Variants in NSMAF observed in about 807,000 individuals in gnomAD.
The protein encoded by NSMAF is protein FAN.
NSMAF carries 90 observed loss-of-function variants against 134.9 expected under a neutral mutation model. The ratio of observed to expected loss-of-function variants is 0.67; its 90% CI spans 0.56 to 0.79. The LOEUF (loss-of-function observed/expected upper bound fraction) is 0.79. Among genes scored for constraint, NSMAF ranks in the 30% least tolerant of loss-of-function variants. The probability of loss-of-function intolerance (pLI) is 0.00; values close to 1 mark genes in which losing one functional copy is unlikely to be tolerated. For synonymous variants in NSMAF, 358 were observed against 389.6 expected (o/e 0.92, Z 0.96); for missense variants, 1,010 against 1,119.0 (o/e 0.90, Z 1.39).
intron 9 of NSMAF, among the ~76,000 whole-genome samples, chr8:58,614,325 C>T (rs556957778): frequency 6.6e-6 from 1 of 152,096 alleles, no homozygotes; most frequent in Non-Finnish European, 1.5e-5. Flanking sequence ...AACAAATTTT[C>T]CTTTGTTTTA....
At chr8:58,599,593 G>T in intron 18 of NSMAF, 157 bp downstream of exon 18, 1 of 901,396 alleles carries the variant, frequency 1.1e-6, no homozygotes, top group Non-Finnish European at 1.7e-6. Context: ...TTACATCACA[G>T]ACTCATAGAA....
At chr8:58,618,089 C>A (rs1806703880) in intron 9 of NSMAF, among the ~76,000 whole-genome samples, 1 of 152,144 alleles carries the variant, frequency 6.6e-6, no homozygotes, top group South Asian at 2.1e-4. Flanking sequence ...CATGTCCTCA[C>A]TCATAGGTGG....
chr8:58,605,775 G>A (rs757152417), intron 12 of NSMAF, 152 bp downstream of exon 12: 2 of 793,194 alleles, frequency 2.5e-6, no homozygotes, highest in Non-Finnish European at 3.4e-6. Flanking sequence ...AGCTACTCGG[G>A]AGGCTGAGGC....
At chr8:58,639,101 G>A (rs1162648259) in intron 2 of NSMAF, among the ~76,000 whole-genome samples, 4 of 151,980 alleles carry the variant, frequency 2.6e-5, no homozygotes, top group African/African-American at 4.8e-5. Flanking sequence ...TGGCTAACAC[G>A]GTGAAACCCC....
chr8:58,658,380 T>G (rs1807769831), intron 1 of NSMAF, among the ~76,000 whole-genome samples: 1 of 152,208 alleles, frequency 6.6e-6, no homozygotes, highest in African/African-American at 2.4e-5. Context: ...TGAGATACGT[T>G]TTCTGTGTAT....
intron 27 of NSMAF, among the ~76,000 whole-genome samples, chr8:58,586,918 T>C (rs1193728827): frequency 1.3e-5 from 2 of 152,206 alleles, no homozygotes; most frequent in Admixed American, 6.5e-5. Context: ...TAATAAATTA[T>C]AGTGAGCCGC....
rs931267066 is a variant in NSMAF, at chr8:58,631,531, C to A, written c.349G>T (p.Glu117Ter). The change falls in exon 6 of 31, where the codon GAA (glutamate) becomes TAA (stop). Residue 117 changes from glutamate to a stop codon, truncating the protein, a stop_gained. Transcript: ENST00000038176. LOFTEE classifies it high-confidence loss of function. ...TTATATGGTGCAACAACATTATGTT[C>A]TTTAATGAAATATACCTGAGCAAGA... is the stretch of plus-strand genomic sequence containing the variant. ...LIFSQVYFIK[E>*]HNVVAPYKIE... 1.3e-6 allele frequency: 2 copies of A among 1,505,712 alleles called. No individual in the cohort carries two copies. Among genetic ancestry groups the A allele is most frequent in the Non-Finnish European group, 1.8e-6 (2 of 1,110,402 alleles). 93.3% of individuals were successfully genotyped at this position (1,505,712 alleles called of 1,614,324 possible).
At chr8:58,642,551 G>A (rs937361568) in intron 2 of NSMAF, among the ~76,000 whole-genome samples, 1 of 152,012 alleles carries the variant, frequency 6.6e-6, no homozygotes, top group African/African-American at 2.4e-5. Context: ...TTATAACATT[G>A]TCACCCGAAT....
At chr8:58,592,902 C>CAAAAA (rs1194341835) in intron 23 of NSMAF, among the ~76,000 whole-genome samples, 7 of 114,380 alleles carry the variant, frequency 6.1e-5, no homozygotes, top group African/African-American at 2.9e-4. Context: ...AAAACAAAAA[C>CAAAAA]AAAAACAACA....
chr8:58,606,766 A>G (rs1450473395), intron 11 of NSMAF, among the ~76,000 whole-genome samples: 2 of 152,202 alleles, frequency 1.3e-5, no homozygotes, highest in Non-Finnish European at 2.9e-5. Context: ...GGCTTTCACC[A>G]TGTACTAGCT....
At chr8:58,655,236 G>A (rs138928312) in intron 1 of NSMAF, among the ~76,000 whole-genome samples, 2 of 151,890 alleles carry the variant, frequency 1.3e-5, no homozygotes, top group Admixed American at 6.6e-5. Flanking sequence ...CCTCCCAAAG[G>A]GCTGGGATTA....
rs754219128 is a variant in NSMAF at position 58,586,088 on chromosome 8, C to G, written c.2447-88G>C. On this transcript the variant is annotated intron_variant, in intron 28 of 30. Transcript: ENST00000038176. Reference sequence around the variant, plus strand: ...GGATTTTATTTCTGAGTCCAGTGGCCTAATCTCCACATTCGTTTTCTTCAA... The same window carrying G: ...GGATTTTATTTCTGAGTCCAGTGGCGTAATCTCCACATTCGTTTTCTTCAA... 1.5e-5 allele frequency: 15 copies of G among 989,294 alleles called. No individual in the cohort carries two copies. The South Asian group carries it at 1.7e-4, about 11-fold the overall frequency. The allele number at this position is 989,294 out of a possible 1,614,324, so 61.3% of individuals were successfully genotyped here.
At position 58,585,688 on chromosome 8, in the gene NSMAF, CAAG is replaced by C; in HGVS notation, c.2620_2622del (p.Leu874del). ...TGTATTCTCTCACTGATTTTTGCTCCAAGGAGGTCCCAAACGAGCAGTTCACCA... is the reference window on the plus strand; with the variant it reads ...TGTATTCTCTCACTGATTTTTGCTCCGAGGTCCCAAACGAGCAGTTCACCA... On this transcript the variant is annotated inframe_deletion, in exon 30 of 31. Transcript: ENST00000038176. The C allele has an allele frequency of 6.2e-7, 1 of 1,613,958 alleles. No individual in the cohort carries two copies. Among genetic ancestry groups the C allele is most frequent in the Non-Finnish European group, 8.5e-7 (1 of 1,179,914 alleles).
chr8:58,659,696 C>T lies in NSMAF; in HGVS notation c.-65G>A. 7.8e-7 allele frequency: 1 copy of T among 1,275,664 alleles called. No individual in the cohort carries two copies. Among genetic ancestry groups the T allele is most frequent in the African/African-American group, 1.6e-5 (1 of 63,800 alleles). 79.0% of individuals were successfully genotyped at this position (1,275,664 alleles called of 1,614,324 possible). On this transcript the variant is annotated 5_prime_UTR_variant, in exon 1 of 31. Transcript: ENST00000038176. ...CCCCGCCGCCGCCTGCCGAGGAGGT[C>T]CGGAGGAGCCGGGGAGGGCGGGATT...
chr8:58,588,067 A>G (rs1373517448), intron 26 of NSMAF, among the ~76,000 whole-genome samples: 1 of 152,260 alleles, frequency 6.6e-6, no homozygotes, highest in Non-Finnish European at 1.5e-5. Context: ...AAATAGGTAC[A>G]GGCAAATAAA....
At chr8:58,587,779 C>T (rs1218673549) in intron 26 of NSMAF, 78 bp from the exon 27 acceptor site, 1 of 1,208,864 alleles carries the variant, frequency 8.3e-7, no homozygotes, top group African/African-American at 1.5e-5. Flanking sequence ...AAGAAAAACT[C>T]CTATGCTCAA....
rs76354168 is a variant in NSMAF at position 58,585,855 on chromosome 8, A to G, written c.2549+43T>C. 1.6e-4 allele frequency: 256 copies of G among 1,580,818 alleles called. No individual in the cohort carries two copies. In the Middle Eastern group the frequency reaches 2.3e-3, roughly 14 times the overall value. The stretch of plus-strand genomic sequence containing the variant: ...AAGCCCAAATGAAGTGATCATGAAC[A>G]TGTCTGTAAATGTCTTCGCCCCCAG... On this transcript the variant is annotated intron_variant, in intron 29 of 30. Transcript: ENST00000038176.
At position 58,603,328 on chromosome 8, in the gene NSMAF, G is replaced by A. The variant is rs781030007; in HGVS notation, c.927C>T (p.His309=). Residue 309 remains histidine, a synonymous_variant, in exon 13 of 31, where the codon CAC becomes CAT. Transcript: ENST00000038176. The stretch of plus-strand genomic sequence containing the variant: ...GAAGGAGGTACTGATAGTTGGAAAG[G>A]TGTCCACGCTGCCACTGCAGCATGT... The part of the protein sequence containing the change: ...ESYMLQWQRG[H]LSNYQYLLHL... The A allele has an allele frequency of 6.2e-7, 1 of 1,614,184 alleles. No homozygotes were observed.
chr8:58,599,771 C>T lies in NSMAF; in HGVS notation c.1432G>A (p.Glu478Lys). ...RQGGQMVDDVELPPWASSPED... is the reference protein window; with the variant it reads ...RQGGQMVDDVKLPPWASSPED... ...TCACTGGAAGCCCAAGGGGGAAGCT[C>T]CACGTCGTCAACCATCTGTCCTCCT... Residue 478 changes from glutamate to lysine, a missense_variant, in exon 18 of 31, where the codon GAG (glutamate) becomes AAG (lysine). Physicochemically the swap from Glu to Lys is moderately conservative, Grantham distance 56. Transcript: ENST00000038176. 6.2e-7 allele frequency: 1 copy of T among 1,614,128 alleles called. No homozygotes were observed. Among genetic ancestry groups the T allele is most frequent in the South Asian group, 1.1e-5 (1 of 91,084 alleles).
Sources: allele counts gnomAD v4.1 joint callset (sites outside exome capture counted in the v4.1 genomes callset), GRCh38; gene constraint gnomAD v4.1.1; transcripts MANE v1.5; gene names NCBI Gene and HGNC (gene_info 2026-07-23, HGNC 2026-07-21).